The following SERPINB10 variants were observed in gnomAD, a reference collection of about 807,000 sequenced individuals.
SERPINB10 encodes the protein serpin family B member 10.
In SERPINB10, 35 loss-of-function variants were observed where a neutral mutation model predicts 39.1. The observed-to-expected ratio is 0.90, with a 90% CI of 0.68 to 1.19. The LOEUF (loss-of-function observed/expected upper bound fraction) is 1.19, where lower values mean the gene tolerates loss of function less well. SERPINB10 is among the 50% of genes most tolerant of loss of function. The pLI, the probability that SERPINB10 is intolerant of heterozygous loss-of-function variation, is 0.00. For synonymous variants in SERPINB10, 190 were observed against 158.1 expected (o/e 1.20, Z -1.52); for missense variants, 546 against 460.5 (o/e 1.19, Z -1.70).
chr18:63,926,475 G>C (rs1399468956), intron 5 of SERPINB10, among the ~76,000 whole-genome samples: 1 of 152,000 alleles, frequency 6.6e-6, no homozygotes, highest in Non-Finnish European at 1.5e-5. Flanking sequence ...CTACGGGTTA[G>C]AAGTGGGACA....
chr18:63,919,380 C>G (rs1568245512), intron 4 of SERPINB10, among the ~76,000 whole-genome samples: 1 of 151,896 alleles, frequency 6.6e-6, no homozygotes, highest in Non-Finnish European at 1.5e-5. Context: ...CTACCAGTAT[C>G]ACAAGCCTCA....
intron 1 of SERPINB10, among the ~76,000 whole-genome samples, chr18:63,908,872 C>T (rs9948717): frequency 0.29 from 43,508 of 151,908 alleles, 6,823 homozygotes; most frequent in East Asian, 0.48. Context: ...GATGGTTCTC[C>T]ATCATGTAAT....
chr18:63,934,956 A>G lies in SERPINB10; in HGVS notation c.908A>G (p.Lys303Arg), dbSNP rs755151496. ...AAGCTGGAAGACAGTTATGATCTCA[A>G]GTCAACCCTGAGCAGTATGGGGATG... ...KFKLEDSYDL[K>R]STLSSMGMSD... The change falls in exon 8 of 8, where the codon AAG becomes AGG. Residue 303 changes from lysine to arginine, a missense_variant. Coordinates refer to ENST00000238508, the MANE Select transcript of SERPINB10 (RefSeq NM_005024.3). The G allele has an allele frequency of 3.8e-5, 62 of 1,614,242 alleles. No homozygotes were observed. Among genetic ancestry groups the G allele is most frequent in the Non-Finnish European group, 5.2e-5 (61 of 1,180,044 alleles).
chr18:63,933,564 T>A (rs1397826686), intron 7 of SERPINB10, among the ~76,000 whole-genome samples: 1 of 152,164 alleles, frequency 6.6e-6, no homozygotes, highest in Non-Finnish European at 1.5e-5. Flanking sequence ...TCAGTCTAGG[T>A]TTCCCTCTGG....
intron 5 of SERPINB10, among the ~76,000 whole-genome samples, chr18:63,929,728 A>T (rs796310827): frequency 4.5e-5 from 4 of 88,546 alleles, no homozygotes; most frequent in African/African-American, 1.5e-4. Flanking sequence ...AAAAAAAAAA[A>T]AAAAAGAAAA....
At chr18:63,911,644 T>A (rs1013907097) in intron 1 of SERPINB10, among the ~76,000 whole-genome samples, 1 of 152,092 alleles carries the variant, frequency 6.6e-6, no homozygotes, top group Non-Finnish European at 1.5e-5. Flanking sequence ...ATGTGTCTGT[T>A]TTTGTGCCAG....
chr18:63,925,461 G>T (rs568344899), intron 5 of SERPINB10, among the ~76,000 whole-genome samples: 175 of 152,090 alleles, frequency 1.2e-3, no homozygotes, highest in African/African-American at 3.9e-3. Flanking sequence ...ACTTTTTGTG[G>T]TGACAGAATG....
chr18:63,928,639 A>G (rs1405084682), intron 5 of SERPINB10, among the ~76,000 whole-genome samples: 2 of 152,080 alleles, frequency 1.3e-5, no homozygotes, highest in Non-Finnish European at 2.9e-5. Flanking sequence ...CTTGGGCAGT[A>G]TGGCCGTTTT....
At chr18:63,917,827 A>G (rs2050115155) in intron 3 of SERPINB10, 138 bp from the exon 4 acceptor site, 2 of 757,762 alleles carry the variant, frequency 2.6e-6, no homozygotes, top group South Asian at 3.9e-5. Flanking sequence ...AACACTAAAG[A>G]AAACATTTTT....
chr18:63,915,563 A>T lies in SERPINB10; in HGVS notation c.53A>T (p.Lys18Met), dbSNP rs758974901. ...CAGTTTGCCCTGGAGTTGAGCAAAA[A>T]GCTAGCTGAATCTGCTCAGGGTAAA... ...INQFALELSK[K>M]LAESAQGKNI... is the part of the protein sequence containing the mutation. Residue 18 changes from lysine (K) to methionine (M), a missense_variant, in exon 2 of 8, where the codon AAG becomes ATG. Lys to Met is a moderately conservative substitution (Grantham distance 95, BLOSUM62 -1). Transcript: ENST00000238508. 3 of 1,612,732 alleles carry T rather than the reference A, an allele frequency of 1.9e-6. No homozygotes were observed. The highest frequency in any genetic ancestry group is 1.1e-5 in the South Asian group (1 of 91,030).
rs1164341951 is a variant in SERPINB10 at position 63,930,196 on chromosome 18, T to A, written c.633+9T>A. 1 of 1,611,432 alleles carries A rather than the reference T, an allele frequency of 6.2e-7. No individual in the cohort carries two copies. The highest frequency in any genetic ancestry group is 1.1e-5 in the South Asian group (1 of 90,916). ...CTTTTAGAATAAACGAGGTAGGAAA[T>A]TTTTAAAGATCAGTTTGGATTTTCA... On this transcript the variant is annotated intron_variant, in intron 6 of 7. Coordinates refer to ENST00000238508, the MANE Select transcript of SERPINB10 (RefSeq NM_005024.3).
intron 5 of SERPINB10, among the ~76,000 whole-genome samples, chr18:63,925,110 G>C (rs2050171653): frequency 6.6e-6 from 1 of 151,910 alleles, no homozygotes; most frequent in Non-Finnish European, 1.5e-5. Context: ...AATCATGAGA[G>C]CCAGGAAAGA....
At chr18:63,932,659 C>G (rs1425857671) in intron 6 of SERPINB10, among the ~76,000 whole-genome samples, 4 of 152,070 alleles carry the variant, frequency 2.6e-5, no homozygotes, top group African/African-American at 9.7e-5. Context: ...CTTGTCTTTG[C>G]ATTCTCTTAG....
chr18:63,913,339 T>C (rs1002195142), intron 1 of SERPINB10, among the ~76,000 whole-genome samples: 2 of 152,032 alleles, frequency 1.3e-5, no homozygotes, highest in African/African-American at 4.8e-5. Context: ...TTTGTTCTTG[T>C]TTCTCTAGTT....
intron 5 of SERPINB10, among the ~76,000 whole-genome samples, chr18:63,923,606 G>T (rs151119109): frequency 6.6e-6 from 1 of 151,746 alleles, no homozygotes; most frequent in African/African-American, 2.4e-5. Context: ...CTAGGCAGGG[G>T]TCTTTTTATT....
chr18:63,915,580 C>G lies in SERPINB10; in HGVS notation c.70C>G (p.Gln24Glu). 6.2e-7 allele frequency: 1 copy of G among 1,612,766 alleles called. No homozygotes were observed. The highest frequency in any genetic ancestry group is 8.5e-7 in the Non-Finnish European group (1 of 1,179,200). Residue 24 changes from glutamine to glutamate, a missense_variant, in exon 2 of 8, where the codon CAG (glutamine) becomes GAG (glutamate). Coordinates refer to ENST00000238508, the MANE Select transcript of SERPINB10 (RefSeq NM_005024.3). The part of the protein sequence containing the change: ...ELSKKLAESA[Q>E]GKNIFFSSWS... Reference sequence around the variant, plus strand: ...GAGCAAAAAGCTAGCTGAATCTGCTCAGGGTAAAAATATCTTCTTTTCTTC... The same window carrying G: ...GAGCAAAAAGCTAGCTGAATCTGCTGAGGGTAAAAATATCTTCTTTTCTTC...
chr18:63,916,082 T>A lies in SERPINB10; in HGVS notation c.168+404T>A, dbSNP rs868449555. Among the ~76,000 whole-genome samples, 7 of 152,130 alleles carry A rather than the reference T, an allele frequency of 4.6e-5. No individual in the cohort carries two copies. In the Middle Eastern group the frequency reaches 0.014, roughly 296 times the overall value. On this transcript the variant is annotated intron_variant, in intron 2 of 7. Transcript: ENST00000238508. ...ACACAAAAAAGAAAAATAAAAGAAT[T>A]CTGTTTCTCATGCTTTGTTTGATTC...
chr18:63,931,966 A>G (rs2050225660), intron 6 of SERPINB10, among the ~76,000 whole-genome samples: 1 of 152,044 alleles, frequency 6.6e-6, no homozygotes, highest in Non-Finnish European at 1.5e-5. Flanking sequence ...TTGTTTGTAC[A>G]GTTTTGGCTT....
chr18:63,909,542 A>G (rs1004565239), intron 1 of SERPINB10, among the ~76,000 whole-genome samples: 1 of 152,090 alleles, frequency 6.6e-6, no homozygotes, highest in Admixed American at 6.6e-5. Context: ...GAAGATGAGT[A>G]CAACTAAATA....
Sources: gnomAD v4.1 joint callset for allele counts (sites outside exome capture counted in the v4.1 genomes callset) on GRCh38, gnomAD v4.1.1 for gene constraint, MANE v1.5 for transcripts, NCBI Gene and HGNC (gene_info 2026-07-23, HGNC 2026-07-21) for gene names.